Variants in MKX observed in about 807,000 individuals in gnomAD.
MKX encodes mohawk homeobox.
MKX carries 13 observed loss-of-function variants against 36.0 expected under a neutral mutation model. The ratio of observed to expected loss-of-function variants is 0.36; its 90% confidence interval spans 0.24 to 0.57. The LOEUF (loss-of-function observed/expected upper bound fraction) is 0.57, where lower values mean the gene tolerates loss of function less well. MKX is among the 20% of genes least tolerant of loss of function. The probability of loss-of-function intolerance (pLI) is 0.79; values close to 1 mark genes in which losing one functional copy is unlikely to be tolerated. For missense variants in MKX, 458 were observed against 456.4 expected (o/e 1.00, Z -0.03); for synonymous variants, 176 against 178.3 (o/e 0.99, Z 0.10).
intron 3 of MKX, among the ~76,000 whole-genome samples, chr10:27,736,153 G>C (rs1008467839): frequency 1.3e-5 from 2 of 152,124 alleles, no homozygotes; most frequent in Admixed American, 1.3e-4. Flanking sequence ...AGAGTAGAGA[G>C]AGTGAAAGCA....
intron 2 of MKX, 109 bp downstream of exon 2, chr10:27,743,119 G>A: frequency 1.8e-6 from 2 of 1,104,244 alleles, no homozygotes; most frequent in East Asian, 3.2e-5. Context: ...AGGGAACTCC[G>A]GGCCCTTTCC....
At position 27,743,230 on chromosome 10, in the gene MKX, G is replaced by T. The variant is rs777627660; in HGVS notation, c.186C>A (p.Thr62=). Residue 62 remains threonine (T), a splice_region_variant and synonymous_variant, in exon 2 of 7, where the codon ACC becomes ACA. Transcript: ENST00000419761. ...GGCCCCCAGGGGAGTGCGCATACCCGGTCCTCCGGTGTCTCAGGCCGAGGT... is the reference window on the plus strand; with the variant it reads ...GGCCCCCAGGGGAGTGCGCATACCCTGTCCTCCGGTGTCTCAGGCCGAGGT... ...KDNLGLRHRR[T]GARQNGGKVR... The T allele has an allele frequency of 1.3e-6, 2 of 1,503,146 alleles. No homozygotes were observed. 93.1% of individuals were successfully genotyped at this position (1,503,146 alleles called of 1,614,324 possible). A position where few individuals can be genotyped will look rare whatever the true frequency, so the allele number is the denominator to read the frequency against.
At chr10:27,713,125 T>C (rs1836901966) in intron 5 of MKX, among the ~76,000 whole-genome samples, 1 of 152,128 alleles carries the variant, frequency 6.6e-6, no homozygotes, top group Non-Finnish European at 1.5e-5. Flanking sequence ...AGCACATATG[T>C]GGAATGGCAA....
intron 5 of MKX, among the ~76,000 whole-genome samples, chr10:27,695,886 A>G (rs1836544927): frequency 6.6e-6 from 1 of 152,216 alleles, no homozygotes; most frequent in African/African-American, 2.4e-5. Context: ...CATGTATCAA[A>G]AGGTTACTTT....
intron 5 of MKX, among the ~76,000 whole-genome samples, chr10:27,701,795 T>G (rs927435908): frequency 7.5e-6 from 1 of 132,478 alleles, no homozygotes; most frequent in Non-Finnish European, 1.6e-5. Flanking sequence ...AATATAAAAA[T>G]AAGTTTACAG....
chr10:27,684,325 A>T (rs898217219), intron 5 of MKX, among the ~76,000 whole-genome samples: 8 of 143,434 alleles, frequency 5.6e-5, no homozygotes, highest in African/African-American at 1.5e-4. Flanking sequence ...AAAAAAGAAA[A>T]AAATATATAT....
chr10:27,714,170 A>G (rs1167418454), intron 5 of MKX, among the ~76,000 whole-genome samples: 2 of 152,198 alleles, frequency 1.3e-5, no homozygotes, highest in Admixed American at 1.3e-4. Flanking sequence ...CAACATCCAG[A>G]AATTCACAGT....
chr10:27,734,094 C>T (rs1279111216), intron 5 of MKX, among the ~76,000 whole-genome samples: 2 of 151,772 alleles, frequency 1.3e-5, no homozygotes, highest in African/African-American at 2.4e-5. Context: ...CAGTATACAC[C>T]CCCCTAAACA....
chr10:27,711,301 T>C (rs1465762753), intron 5 of MKX, among the ~76,000 whole-genome samples: 1 of 152,160 alleles, frequency 6.6e-6, no homozygotes, highest in Non-Finnish European at 1.5e-5. Flanking sequence ...TTTTAAAACA[T>C]TTCTTTCCTA....
rs1554770422 is a variant in MKX, at chr10:27,694,527, A to AAT, written c.839-18975_839-18974dup. 8.7e-5 allele frequency among the ~76,000 whole-genome samples: 10 copies of AAT among 114,332 alleles called. No homozygotes were observed. The South Asian group carries it at 9.4e-4, about 11-fold the overall frequency. 75.0% of individuals were successfully genotyped at this position (114,332 alleles called of 152,430 possible). ...AACCCCGTCTCTACTAAAAAAAAAA[A>AAT]ATATATATATATATATAAATTAGCC... On this transcript the variant is annotated intron_variant, in intron 5 of 6. Transcript: ENST00000419761.
intron 5 of MKX, among the ~76,000 whole-genome samples, chr10:27,684,819 G>C (rs531330464): frequency 6.6e-6 from 1 of 152,242 alleles, no homozygotes; most frequent in Non-Finnish European, 1.5e-5. Context: ...CGGGGGGTTT[G>C]AGATGAAACG....
At chr10:27,693,369 A>G (rs1007179717) in intron 5 of MKX, among the ~76,000 whole-genome samples, 2 of 152,224 alleles carry the variant, frequency 1.3e-5, no homozygotes, top group African/African-American at 4.8e-5. Flanking sequence ...ATCACCAGGC[A>G]TTCAAACTAC....
At chr10:27,709,033 G>A (rs1397325936) in intron 5 of MKX, among the ~76,000 whole-genome samples, 17 of 152,032 alleles carry the variant, frequency 1.1e-4, no homozygotes, top group Non-Finnish European at 1.8e-4. Flanking sequence ...GCTGGGCATG[G>A]TGGTGGCTGC....
chr10:27,715,225 T>A (rs138394596), intron 5 of MKX, among the ~76,000 whole-genome samples: 1 of 151,680 alleles, frequency 6.6e-6, no homozygotes, highest in African/African-American at 2.4e-5. Context: ...CTGGACACTG[T>A]GTTATGTTGC....
chr10:27,715,305 G>A (rs555225238), intron 5 of MKX, among the ~76,000 whole-genome samples: 4 of 152,236 alleles, frequency 2.6e-5, no homozygotes, highest in East Asian at 3.9e-4. Flanking sequence ...AAATGCCACC[G>A]GCCTGTGCTA....
chr10:27,690,818 G>A (rs1836441002), intron 5 of MKX, among the ~76,000 whole-genome samples: 1 of 152,146 alleles, frequency 6.6e-6, no homozygotes, highest in African/African-American at 2.4e-5. Flanking sequence ...GATATGGTTT[G>A]CCTGTGTCCT....
intron 1 of MKX, 33 bp from the exon 2 acceptor site, chr10:27,743,530 G>A (rs758327083): frequency 3.4e-5 from 39 of 1,141,640 alleles, no homozygotes; most frequent in Non-Finnish European, 4.5e-5. Flanking sequence ...GTTACTTACT[G>A]GCTGAGAGTG....
At chr10:27,726,144 T>C (rs1589687970) in intron 5 of MKX, among the ~76,000 whole-genome samples, 1 of 152,296 alleles carries the variant, frequency 6.6e-6, no homozygotes, top group East Asian at 1.9e-4. Flanking sequence ...AGTAGAACCA[T>C]AATGCCAAAA....
chr10:27,743,464 G>A lies in MKX; in HGVS notation c.-49C>T. The A allele has an allele frequency of 4.1e-6, 6 of 1,469,360 alleles. No homozygotes were observed. The highest frequency in any genetic ancestry group is 3.6e-6 in the Non-Finnish European group (4 of 1,116,022). 91.0% of individuals were successfully genotyped at this position (1,469,360 alleles called of 1,614,324 possible). A position where few individuals can be genotyped will look rare whatever the true frequency, so the allele number is the denominator to read the frequency against. ...GGCGCGGCCGCAGAGCCTCGGGGCT[G>A]GGCCGCCGGGAGCTCCGCAGCGGGG... On this transcript the variant is annotated 5_prime_UTR_variant, in exon 2 of 7. The change creates a premature stop within an existing upstream ORF in the 5' untranslated region. Coordinates refer to ENST00000419761, the MANE Select transcript of MKX (RefSeq NM_173576.3).
Sources: allele counts gnomAD v4.1 joint callset (sites outside exome capture counted in the v4.1 genomes callset), GRCh38; gene constraint gnomAD v4.1.1; transcripts MANE v1.5; gene names NCBI Gene and HGNC (gene_info 2026-07-23, HGNC 2026-07-21).